PIEZO2: variants seen among roughly 807,000 people sequenced by gnomAD.
PIEZO2 encodes the protein piezo-type mechanosensitive ion channel component 2.
Under a neutral mutation model 337.3 loss-of-function variants are expected in PIEZO2, and 172 were observed. The ratio of observed to expected loss-of-function variants is 0.51; its 90% CI spans 0.45 to 0.58. The LOEUF is 0.58. Ranked by LOEUF, PIEZO2 falls within the 20% of genes least tolerant of loss-of-function variation. The pLI, the probability that PIEZO2 is intolerant of heterozygous loss-of-function variation, is 0.00. For missense variants in PIEZO2, 3,028 were observed against 3,391.3 expected, an observed-to-expected ratio of 0.89 and a Z score of 2.66; for synonymous variants, 1,251 against 1,228.5, an observed-to-expected ratio of 1.02 and a Z score of -0.38.
At position 10,872,869 on chromosome 18, in the gene PIEZO2, T is replaced by C. The variant is rs569875847; in HGVS notation, c.330-1454A>G. Reference sequence around the variant, plus strand: ...GAGTTTAAAATAGGGAGGATACAGGTAGAGGAGTCAAGAGTCTGTACCAGC... The same window carrying C: ...GAGTTTAAAATAGGGAGGATACAGGCAGAGGAGTCAAGAGTCTGTACCAGC... On this transcript the variant is annotated intron_variant, in intron 4 of 55. Transcript: ENST00000674853. This position sits in a 1 kb window ranked among gnomAD's most constrained non-coding sequence, Gnocchi z 4.3. Among the ~76,000 whole-genome samples the C allele has an allele frequency of 1.3e-5, 2 of 152,190 alleles. No homozygotes were observed. The highest frequency in any genetic ancestry group is 4.1e-4 in the South Asian group (2 of 4,826).
At chr18:10,708,722 C>T (rs1014482126) in intron 39 of PIEZO2, among the ~76,000 whole-genome samples, 10 of 152,116 alleles carry the variant, frequency 6.6e-5, no homozygotes, top group Non-Finnish European at 1.5e-4. Flanking sequence ...TGACAAGTCC[C>T]AATATTTTTC....
intron 51 of PIEZO2, among the ~76,000 whole-genome samples, chr18:10,680,705 G>A (rs550482873): frequency 4.9e-4 from 74 of 152,198 alleles, no homozygotes; most frequent in African/African-American, 1.7e-3. Context: ...ATGGGGGAAC[G>A]TCTCTGTCAT....
chr18:11,048,721 A>T lies in PIEZO2; in HGVS notation c.160+17406T>A, dbSNP rs1445753294. 1.3e-5 allele frequency among the ~76,000 whole-genome samples: 2 copies of T among 152,230 alleles called. No individual in the cohort carries two copies. The highest frequency in any genetic ancestry group is 2.9e-5 in the Non-Finnish European group (2 of 68,032). On this transcript the variant is annotated intron_variant, in intron 2 of 55. Transcript: ENST00000674853. The surrounding 1 kb of genome is among the most constrained non-coding windows in gnomAD (Gnocchi z 4.5). ...CCTCTGTGTGTTTCTTAATTTCCTT[A>T]TCTGTAAAACATAAATAATACTATA... is the stretch of plus-strand genomic sequence containing the variant.
rs1227471179 is a variant in PIEZO2 at position 11,101,382 on chromosome 18, A to G, written c.65-35160T>C. Among the ~76,000 whole-genome samples, 3 of 152,242 alleles carry G rather than the reference A, an allele frequency of 2.0e-5. No homozygotes were observed. Among genetic ancestry groups the G allele is most frequent in the South Asian group, 2.1e-4 (1 of 4,836 alleles). On this transcript the variant is annotated intron_variant, in intron 1 of 55. Coordinates refer to ENST00000674853, the MANE Select transcript of PIEZO2 (RefSeq NM_001378183.1). This position sits in a 1 kb window ranked among gnomAD's most constrained non-coding sequence, Gnocchi z 4.4. ...CTCTCAGAGGGCCCCAGGAGCAGAA[A>G]CGGAAGTGGTTCCCTTAAAGTTATA...
rs2144081719 is a variant in PIEZO2, at chr18:10,781,830, C to T, written c.2493-1464G>A. Among the ~76,000 whole-genome samples, 1 of 152,196 alleles carries T rather than the reference C, an allele frequency of 6.6e-6. No homozygotes were observed. The highest frequency in any genetic ancestry group is 2.1e-4 in the South Asian group (1 of 4,820). On this transcript the variant is annotated intron_variant, in intron 17 of 55. Coordinates refer to ENST00000674853, the MANE Select transcript of PIEZO2 (RefSeq NM_001378183.1). This position sits in a 1 kb window ranked among gnomAD's most constrained non-coding sequence, Gnocchi z 4.1. ...TCTCCAGAGACAACAGTGTGGAAAT[C>T]AGCTTAACGAGCGAATCGGTTATTC...
chr18:10,714,935 G>A lies in PIEZO2; in HGVS notation c.5257-5C>T. The A allele has an allele frequency of 5.2e-6, 8 of 1,536,868 alleles. No homozygotes were observed. The highest frequency in any genetic ancestry group is 7.0e-6 in the Non-Finnish European group (8 of 1,146,698). ...CTCCCGAGTTGGAACATTGCCCTGA[G>A]GAGAATGAGACATTGCCACAGTTCT... On this transcript the variant is annotated splice_polypyrimidine_tract_variant and splice_region_variant and intron_variant, in intron 38 of 55. Coordinates refer to ENST00000674853, the MANE Select transcript of PIEZO2 (RefSeq NM_001378183.1).
intron 1 of PIEZO2, among the ~76,000 whole-genome samples, chr18:11,073,210 G>C (rs11080483): frequency 0.52 from 78,683 of 151,960 alleles, 22,343 homozygotes; most frequent in East Asian, 0.97. Flanking sequence ...TGGTGGGCAG[G>C]CTCTAAAACC....
chr18:11,075,959 T>G (rs750109509), intron 1 of PIEZO2, among the ~76,000 whole-genome samples: 2 of 152,048 alleles, frequency 1.3e-5, no homozygotes, highest in Non-Finnish European at 2.9e-5. Context: ...CCGGCTAATT[T>G]GTATTTTTAG....
At chr18:11,135,000 T>C (rs2040441975) in intron 1 of PIEZO2, among the ~76,000 whole-genome samples, 1 of 151,254 alleles carries the variant, frequency 6.6e-6, no homozygotes, top group Non-Finnish European at 1.5e-5. Context: ...ACCCACGGTG[T>C]TGTGTAATTG....
At chr18:10,989,492 A>AG (rs2035011444) in intron 2 of PIEZO2, among the ~76,000 whole-genome samples, 1 of 79,706 alleles carries the variant, frequency 1.3e-5, no homozygotes, top group East Asian at 7.7e-4. Context: ...GCTCTAAGAC[A>AG]AAAAAAAAAG....
chr18:11,084,289 T>C (rs1023021865), intron 1 of PIEZO2, among the ~76,000 whole-genome samples: 1 of 152,124 alleles, frequency 6.6e-6, no homozygotes, highest in African/African-American at 2.4e-5. Context: ...CATCCTTTGT[T>C]GAATCAATCA....
intron 7 of PIEZO2, among the ~76,000 whole-genome samples, chr18:10,829,056 C>T (rs192917060): frequency 6.6e-6 from 1 of 152,104 alleles, no homozygotes; most frequent in African/African-American, 2.4e-5. Context: ...CACCTAAGTT[C>T]CTTCACATGA....
intron 1 of PIEZO2, among the ~76,000 whole-genome samples, chr18:11,145,308 G>A (rs970297536): frequency 8.6e-5 from 13 of 152,044 alleles, no homozygotes; most frequent in Admixed American, 2.0e-4. Flanking sequence ...CTGCATTGAA[G>A]AGGCCTGAGT....
Position 11,146,621 on chromosome 18 carries a change from C to T in PIEZO2, c.64+1904G>A, listed in dbSNP as rs1021408407. On this transcript the variant is annotated intron_variant, in intron 1 of 55. Coordinates refer to ENST00000674853, the MANE Select transcript of PIEZO2 (RefSeq NM_001378183.1). The surrounding 1 kb of genome is among the most constrained non-coding windows in gnomAD (Gnocchi z 6.1). ...GACTGACAGGCCCCAACCCCAGCATCCGCGGGGCTTGGAGGCAGGTGAGCT... is the reference window on the plus strand; with the variant it reads ...GACTGACAGGCCCCAACCCCAGCATTCGCGGGGCTTGGAGGCAGGTGAGCT... 6.6e-6 allele frequency among the ~76,000 whole-genome samples: 1 copy of T among 152,240 alleles called. No homozygotes were observed. Among genetic ancestry groups the T allele is most frequent in the African/African-American group, 2.4e-5 (1 of 41,460 alleles).
Position 10,828,320 on chromosome 18 carries a change from A to C in PIEZO2, c.918-21046T>G, listed in dbSNP as rs1419733377. On this transcript the variant is annotated intron_variant, in intron 7 of 55. Transcript: ENST00000674853. The surrounding 1 kb of genome is among the most constrained non-coding windows in gnomAD (Gnocchi z 4.1). Reference sequence around the variant, plus strand: ...CCAAGTCCAACAATTTAAAGTTATTAAAATTGGATGCCCACTAACTAACCT... The same window carrying C: ...CCAAGTCCAACAATTTAAAGTTATTCAAATTGGATGCCCACTAACTAACCT... 1.3e-5 allele frequency among the ~76,000 whole-genome samples: 2 copies of C among 152,144 alleles called. No homozygotes were observed. The highest frequency in any genetic ancestry group is 3.9e-4 in the East Asian group (2 of 5,192).
intron 4 of PIEZO2, among the ~76,000 whole-genome samples, chr18:10,904,537 C>A (rs1353745123): frequency 6.6e-6 from 1 of 152,178 alleles, no homozygotes; most frequent in Non-Finnish European, 1.5e-5. Flanking sequence ...CTTCTGTGCC[C>A]ACAGGCCTTG....
chr18:10,741,445 C>A (rs1598422019), intron 32 of PIEZO2, among the ~76,000 whole-genome samples: 1 of 152,180 alleles, frequency 6.6e-6, no homozygotes, highest in Non-Finnish European at 1.5e-5. Context: ...CCAAATTTTA[C>A]AGAATCATTT....
chr18:10,710,218 G>A (rs2035762097), intron 39 of PIEZO2, among the ~76,000 whole-genome samples: 1 of 152,234 alleles, frequency 6.6e-6, no homozygotes, highest in African/African-American at 2.4e-5. Flanking sequence ...CTTGGATGGA[G>A]TTCTCAGAAC....
rs771884896 is a variant in PIEZO2 at position 10,719,062 on chromosome 18, A to G, written c.5030-803T>C. Reference sequence around the variant, plus strand: ...GTTCTTTATAGAAAATGGTTGTCATATCTTAAAATGACATTATAGGATTTC... The same window carrying G: ...GTTCTTTATAGAAAATGGTTGTCATGTCTTAAAATGACATTATAGGATTTC... On this transcript the variant is annotated intron_variant, in intron 36 of 55. Transcript: ENST00000674853. Among the ~76,000 whole-genome samples, 31 of 152,200 alleles carry G rather than the reference A, an allele frequency of 2.0e-4. 1 individual carries two copies. The highest frequency in any genetic ancestry group is 3.9e-4 in the Admixed American group (6 of 15,292).
Sources: allele counts gnomAD v4.1 joint callset (sites outside exome capture counted in the v4.1 genomes callset), GRCh38; gene constraint gnomAD v4.1.1; non-coding constraint Gnocchi (gnomAD v3.1); transcripts MANE v1.5; gene names NCBI Gene and HGNC (gene_info 2026-07-23, HGNC 2026-07-21).